The following PHF21B variants were observed in gnomAD, a reference collection of about 807,000 sequenced individuals.
The protein encoded by PHF21B is PHD finger protein 21B.
In PHF21B, 22 loss-of-function variants were observed where a neutral mutation model predicts 62.2. That is an observed-to-expected ratio of 0.35 (90% CI 0.25 to 0.51). The LOEUF (loss-of-function observed/expected upper bound fraction) is 0.51, where lower values mean the gene tolerates loss of function less well. Among genes scored for constraint, PHF21B ranks in the 20% least tolerant of loss-of-function variants. PHF21B has a pLI of 0.97. For missense variants in PHF21B, 701 were observed against 707.9 expected, an observed-to-expected ratio of 0.99 and a Z score of 0.11; for synonymous variants, 341 against 314.7, an observed-to-expected ratio of 1.08 and a Z score of -0.88.
intron 2 of PHF21B, among the ~76,000 whole-genome samples, chr22:44,946,060 C>A (rs1437486900): frequency 6.6e-6 from 1 of 150,966 alleles, no homozygotes; most frequent in Non-Finnish European, 1.5e-5. Context: ...GTGGACACCG[C>A]CCTGGCCTCC....
chr22:44,917,059 G>A (rs1213486080), intron 3 of PHF21B, among the ~76,000 whole-genome samples: 2 of 152,222 alleles, frequency 1.3e-5, no homozygotes, highest in African/African-American at 4.8e-5. Flanking sequence ...GGGCTCCTGG[G>A]CCTTGCCCAG....
At chr22:44,969,232 A>G (rs1367389099) in intron 2 of PHF21B, 1 of 152,246 alleles carries the variant, frequency 6.6e-6, no homozygotes, top group Admixed American at 6.5e-5. Context: ...TTTCATCACA[A>G]AGGACACCCC....
intron 2 of PHF21B, among the ~76,000 whole-genome samples, chr22:44,987,942 TC>T (rs1025597693): frequency 1.2e-4 from 18 of 152,076 alleles, no homozygotes; most frequent in African/African-American, 4.3e-4. Flanking sequence ...ACCCTGAAGA[TC>T]CACGTTGTCC....
intron 2 of PHF21B, among the ~76,000 whole-genome samples, chr22:44,999,987 C>T (rs1181087811): frequency 2.0e-5 from 3 of 152,100 alleles, no homozygotes; most frequent in African/African-American, 7.2e-5. Flanking sequence ...CTTGAGTGCT[C>T]ACCGAGCACC....
chr22:44,889,734 T>C, intron 9 of PHF21B, 26 bp downstream of exon 9: 1 of 1,583,382 alleles, frequency 6.3e-7, no homozygotes, highest in Non-Finnish European at 8.6e-7. Context: ...CCCGGAAGTG[T>C]GAAGACGGAG....
chr22:44,913,768 G>T, intron 5 of PHF21B, 54 bp downstream of exon 5: 1 of 1,560,238 alleles, frequency 6.4e-7, no homozygotes, highest in Non-Finnish European at 8.7e-7. Flanking sequence ...AGCGGCCTCA[G>T]ATGGCACCTG....
intron 2 of PHF21B, among the ~76,000 whole-genome samples, chr22:44,995,261 T>C (rs1040783024): frequency 2.0e-5 from 3 of 152,180 alleles, no homozygotes; most frequent in Admixed American, 2.0e-4. Context: ...TGCCAGACTC[T>C]TCTCCCTTCA....
chr22:44,891,499 G>T, intron 7 of PHF21B, 139 bp from the exon 8 acceptor site: 1 of 980,302 alleles, frequency 1.0e-6, no homozygotes, highest in South Asian at 1.5e-5. Flanking sequence ...CCCCCTGCCA[G>T]GGGCAGAAAT....
chr22:44,951,264 G>C (rs1229629659), intron 2 of PHF21B, among the ~76,000 whole-genome samples: 2 of 152,182 alleles, frequency 1.3e-5, no homozygotes, highest in Non-Finnish European at 2.9e-5. Flanking sequence ...TCGGGCATTA[G>C]ATTCTCATAA....
At chr22:44,889,690 AC>A (rs1431163515) in intron 9 of PHF21B, 69 bp downstream of exon 9, 12 of 1,524,598 alleles carry the variant, frequency 7.9e-6, no homozygotes, top group Non-Finnish European at 1.1e-5. Context: ...TCCAGGAGGG[AC>A]CCTATGAGGA....
Position 44,971,643 on chromosome 22 carries a change from T to G in PHF21B, c.120+36902A>C, listed in dbSNP as rs1266667465. On this transcript the variant is annotated intron_variant, in intron 2 of 12. Transcript: ENST00000313237. ...CAACAGGGCCTGGCCCTTGGGCGGCTCTCTCTCTCCCTTCCCAGAAAACTT... is the reference window on the plus strand; with the variant it reads ...CAACAGGGCCTGGCCCTTGGGCGGCGCTCTCTCTCCCTTCCCAGAAAACTT... 2.0e-5 allele frequency among the ~76,000 whole-genome samples: 3 copies of G among 149,704 alleles called. No homozygotes were observed. The East Asian group carries it at 5.8e-4, about 29-fold the overall frequency.
At chr22:44,885,815 G>C (rs1206383140) in intron 11 of PHF21B, 48 bp downstream of exon 11, 1 of 1,575,512 alleles carries the variant, frequency 6.3e-7, no homozygotes, top group East Asian at 2.2e-5. Flanking sequence ...CCTGGGTGGG[G>C]GAGGAGGGGG....
At chr22:44,885,700 C>T (rs992271858) in intron 11 of PHF21B, among the ~76,000 whole-genome samples, 163 bp downstream of exon 11, 4 of 152,228 alleles carry the variant, frequency 2.6e-5, no homozygotes, top group African/African-American at 9.6e-5. Flanking sequence ...CCTGGCCACA[C>T]CTGCCCCGGA....
At chr22:45,008,705 C>A in intron 1 of PHF21B, 95 bp from the exon 2 acceptor site, 1 of 1,110,642 alleles carries the variant, frequency 9.0e-7, no homozygotes. Flanking sequence ...CGGAGCCCCA[C>A]GGGCGGGGCC....
chr22:44,981,166 T>C (rs1052760298), intron 2 of PHF21B, among the ~76,000 whole-genome samples: 6 of 152,000 alleles, frequency 3.9e-5, no homozygotes, highest in Non-Finnish European at 4.4e-5. Flanking sequence ...TCCCATCAGG[T>C]TGGAGAAAGA....
chr22:44,943,038 GCACA>G (rs1179279228), intron 2 of PHF21B, among the ~76,000 whole-genome samples: 1 of 146,814 alleles, frequency 6.8e-6, no homozygotes, highest in African/African-American at 2.6e-5. Context: ...AAAGCCAAGA[GCACA>G]CAAAGTAGAT....
chr22:45,007,009 CG>C (rs1190131324), intron 2 of PHF21B, among the ~76,000 whole-genome samples: 5 of 152,144 alleles, frequency 3.3e-5, no homozygotes, highest in Admixed American at 2.0e-4. Context: ...CCCCTCCCCC[CG>C]CCAACTCCCC....
At chr22:44,996,786 A>G (rs898257570) in intron 2 of PHF21B, among the ~76,000 whole-genome samples, 1 of 152,046 alleles carries the variant, frequency 6.6e-6, no homozygotes, top group African/African-American at 2.4e-5. Flanking sequence ...ATGCACAAGC[A>G]CACACACATG....
intron 2 of PHF21B, among the ~76,000 whole-genome samples, chr22:44,924,151 C>T (rs1435083706): frequency 6.6e-6 from 1 of 151,886 alleles, no homozygotes; most frequent in Non-Finnish European, 1.5e-5. Flanking sequence ...AAAACAACTA[C>T]TGATGGCAAA....
Sources: gnomAD v4.1 joint callset for allele counts (sites outside exome capture counted in the v4.1 genomes callset) on GRCh38, gnomAD v4.1.1 for gene constraint, MANE v1.5 for transcripts, NCBI Gene and HGNC (gene_info 2026-07-23, HGNC 2026-07-21) for gene names.